The following NTM variants were observed in gnomAD, a reference collection of about 807,000 sequenced individuals.
NTM encodes IgLON family member 2.
A neutral mutation model predicts 42.1 loss-of-function variants in NTM; 13 were observed. The observed-to-expected ratio is 0.31, with a 90% CI of 0.20 to 0.49. The LOEUF (loss-of-function observed/expected upper bound fraction) is 0.49, where lower values mean the gene tolerates loss of function less well. Ranked by LOEUF, NTM falls within the 20% of genes least tolerant of loss-of-function variation. NTM has a pLI of 0.99. For missense variants in NTM, 373 were observed against 452.8 expected, an observed-to-expected ratio of 0.82 and a Z score of 1.60; for synonymous variants, 187 against 179.2, an observed-to-expected ratio of 1.04 and a Z score of -0.35.
intron 1 of NTM, among the ~76,000 whole-genome samples, chr11:131,842,245 C>A (rs1289765987): frequency 6.6e-6 from 1 of 152,126 alleles, no homozygotes; most frequent in East Asian, 1.9e-4. Context: ...GTGGTCTTTT[C>A]TTTGGAACAT....
At chr11:131,969,003 C>G (rs1417417855) in intron 2 of NTM, among the ~76,000 whole-genome samples, 1 of 152,176 alleles carries the variant, frequency 6.6e-6, no homozygotes, top group Non-Finnish European at 1.5e-5. Context: ...CAGTTTATTA[C>G]AGAGCAAATA....
chr11:132,041,181 C>A (rs1196099925), intron 2 of NTM, among the ~76,000 whole-genome samples: 2 of 148,306 alleles, frequency 1.3e-5, no homozygotes, highest in South Asian at 2.2e-4. Context: ...TTTGCTCTGC[C>A]TTTTTGTTTG....
At chr11:131,485,791 G>A (rs12222727) in intron 1 of NTM, among the ~76,000 whole-genome samples, 3,476 of 152,162 alleles carry the variant, frequency 0.023, 147 homozygotes, top group East Asian at 0.19. Context: ...TGCTGAAATG[G>A]GTATTGTGAT....
At chr11:131,778,645 G>C (rs1240962005) in intron 1 of NTM, among the ~76,000 whole-genome samples, 1 of 152,166 alleles carries the variant, frequency 6.6e-6, no homozygotes. Flanking sequence ...CTAGCATATA[G>C]TGATGGTAAA....
In NTM at chr11:132,146,193, A is replaced by G; in HGVS notation, c.168-89A>G. 1.3e-6 allele frequency: 2 copies of G among 1,531,892 alleles called. No individual in the cohort carries two copies. Among genetic ancestry groups the G allele is most frequent in the South Asian group, 1.3e-5 (1 of 78,902 alleles). 94.9% of individuals were successfully genotyped at this position (1,531,892 alleles called of 1,614,324 possible). On this transcript the variant is annotated intron_variant, in intron 2 of 8. Transcript: ENST00000683400. The surrounding 1 kb of genome is among the most constrained non-coding windows in gnomAD (Gnocchi z 4.5). ...TGTGTTGGGGGAAGGGAGAAAGACA[A>G]GATATTCTAGCCTTGCCATGAGGAC...
At chr11:131,867,990 AAC>A (rs2047396970) in intron 1 of NTM, among the ~76,000 whole-genome samples, 1 of 152,114 alleles carries the variant, frequency 6.6e-6, no homozygotes, top group Non-Finnish European at 1.5e-5. Context: ...GGAAACCCCA[AAC>A]ACACCCTGGA....
intron 1 of NTM, among the ~76,000 whole-genome samples, chr11:131,520,177 C>T (rs571641436): frequency 2.5e-4 from 38 of 152,270 alleles, no homozygotes; most frequent in African/African-American, 7.0e-4. Flanking sequence ...ATTCCTTTAG[C>T]GCTGGCAAAG....
At chr11:132,278,785 T>TCTCTCTC (rs2093844888) in intron 4 of NTM, among the ~76,000 whole-genome samples, 5 of 85,892 alleles carry the variant, frequency 5.8e-5, no homozygotes, top group African/African-American at 1.9e-4. Context: ...CTCTCTCTCT[T>TCTCTCTC]TACTGCTTAA....
At chr11:132,323,294 A>C (rs1411445481) in intron 7 of NTM, among the ~76,000 whole-genome samples, 1 of 151,950 alleles carries the variant, frequency 6.6e-6, no homozygotes, top group Non-Finnish European at 1.5e-5. Flanking sequence ...AAGACTAATA[A>C]AGAAAAAAAG....
At chr11:132,220,263 A>G (rs551059459) in intron 4 of NTM, among the ~76,000 whole-genome samples, 1 of 152,352 alleles carries the variant, frequency 6.6e-6, no homozygotes, top group Non-Finnish European at 1.5e-5. Flanking sequence ...AACTCCTTAC[A>G]TAAGTGGCTT....
chr11:132,023,655 G>A (rs980609192), intron 2 of NTM, among the ~76,000 whole-genome samples: 1 of 152,144 alleles, frequency 6.6e-6, no homozygotes, highest in Admixed American at 6.5e-5. Flanking sequence ...AGTGAACAGC[G>A]TTATTGCAAG....
intron 7 of NTM, among the ~76,000 whole-genome samples, chr11:132,329,397 G>A (rs886697621): frequency 4.6e-5 from 7 of 152,352 alleles, no homozygotes; most frequent in Admixed American, 4.6e-4. Context: ...GTGAAATGGA[G>A]ACCTTTCACA....
intron 1 of NTM, among the ~76,000 whole-genome samples, chr11:131,758,581 T>A (rs996392778): frequency 6.6e-6 from 1 of 151,846 alleles, no homozygotes; most frequent in African/African-American, 2.4e-5. Context: ...TCCTTCCTTT[T>A]TTTCTTTCTT....
chr11:131,625,457 C>G (rs1280158941), intron 1 of NTM, among the ~76,000 whole-genome samples: 1 of 151,982 alleles, frequency 6.6e-6, no homozygotes, highest in African/African-American at 2.4e-5. Context: ...CCACTGGAGA[C>G]TTCTTAGAGA....
At chr11:131,532,772 T>C (rs1160402069) in intron 1 of NTM, among the ~76,000 whole-genome samples, 1 of 152,236 alleles carries the variant, frequency 6.6e-6, no homozygotes, top group African/African-American at 2.4e-5. Context: ...TTCTAATGGG[T>C]GTGAAGCACT....
chr11:132,165,461 C>G (rs2137719678), intron 3 of NTM, among the ~76,000 whole-genome samples: 1 of 152,322 alleles, frequency 6.6e-6, no homozygotes, highest in Non-Finnish European at 1.5e-5. Flanking sequence ...CCTGTGTCCT[C>G]CACTGTGCAT....
chr11:131,389,034 G>GAAAAGAAAAA (rs1555097654), intron 1 of NTM, among the ~76,000 whole-genome samples: 40 of 144,456 alleles, frequency 2.8e-4, no homozygotes, highest in Non-Finnish European at 5.3e-4. Flanking sequence ...AAAAAGAAAA[G>GAAAAGAAAAA]AAAAGAAAAG....
At chr11:132,109,758 C>G (rs1438571710) in intron 2 of NTM, among the ~76,000 whole-genome samples, 1 of 152,172 alleles carries the variant, frequency 6.6e-6, no homozygotes, top group Non-Finnish European at 1.5e-5. Context: ...GCATTGTGTA[C>G]TGTACCCAAT....
At chr11:131,818,949 A>T (rs998703635) in intron 1 of NTM, among the ~76,000 whole-genome samples, 3 of 152,242 alleles carry the variant, frequency 2.0e-5, no homozygotes, top group African/African-American at 7.2e-5. Context: ...CTTCAAGGTC[A>T]CACAGCTGTC....
Sources: gnomAD v4.1 joint callset for allele counts (sites outside exome capture counted in the v4.1 genomes callset) on GRCh38, gnomAD v4.1.1 for gene constraint, Gnocchi (gnomAD v3.1) non-coding constraint, MANE v1.5 for transcripts, NCBI Gene and HGNC (gene_info 2026-07-23, HGNC 2026-07-21) for gene names.